The following SRBD1 variants were observed in gnomAD, a reference collection of about 807,000 sequenced individuals.
SRBD1 encodes the protein S1 RNA binding domain 1, also known as S1 RNA-binding domain-containing protein 1.
A neutral mutation model predicts 115.3 loss-of-function variants in SRBD1; 88 were observed. The observed-to-expected ratio is 0.76, with a 90% CI of 0.64 to 0.91. The LOEUF (loss-of-function observed/expected upper bound fraction) is 0.91. Among genes scored for constraint, SRBD1 ranks in the 40% least tolerant of loss-of-function variants. The pLI, the probability that SRBD1 is intolerant of heterozygous loss-of-function variation, is 0.00. For synonymous variants in SRBD1, 509 were observed against 407.7 expected (o/e 1.25, Z -2.99); for missense variants, 1,385 against 1,177.4 (o/e 1.18, Z -2.58).
chr2:45,561,430 G>C (rs984373265), intron 10 of SRBD1, among the ~76,000 whole-genome samples: 3 of 152,150 alleles, frequency 2.0e-5, no homozygotes, highest in Admixed American at 6.5e-5. Context: ...TGCTTTTAAT[G>C]AATTAACAAA....
At chr2:45,593,264 T>C (rs1187327677) in intron 4 of SRBD1, among the ~76,000 whole-genome samples, 1 of 152,096 alleles carries the variant, frequency 6.6e-6, no homozygotes, top group Non-Finnish European at 1.5e-5. Context: ...ATTTTATAAA[T>C]GCAAAAACTG....
intron 16 of SRBD1, among the ~76,000 whole-genome samples, chr2:45,427,884 C>G (rs1668206258): frequency 6.6e-6 from 1 of 152,138 alleles, no homozygotes; most frequent in Non-Finnish European, 1.5e-5. Context: ...AACTTAGACT[C>G]CCACACAATA....
At chr2:45,419,704 G>C in intron 17 of SRBD1, 84 bp downstream of exon 17, 1 of 1,171,066 alleles carries the variant, frequency 8.5e-7, no homozygotes, top group Non-Finnish European at 1.3e-6. Context: ...CTTTATACAC[G>C]TGTTCCCTTC....
In SRBD1 at chr2:45,581,844, T is replaced by C. The variant is rs753603013; in HGVS notation, c.816-34A>G. 3 of 1,529,822 alleles carry C rather than the reference T, an allele frequency of 2.0e-6. No individual in the cohort carries two copies. In the East Asian group the frequency reaches 6.8e-5, roughly 35 times the overall value. 94.8% of individuals were successfully genotyped at this position (1,529,822 alleles called of 1,614,324 possible). ...AGAAACTTTTGTAATATACCAAAAC[T>C]GTATGTCAAAACTTTCTTTTCAAAG... On this transcript the variant is annotated intron_variant, in intron 5 of 20. Coordinates refer to ENST00000263736, the MANE Select transcript of SRBD1 (RefSeq NM_018079.5).
chr2:45,579,528 A>AATACC (rs896491183), intron 7 of SRBD1, among the ~76,000 whole-genome samples: 2 of 152,156 alleles, frequency 1.3e-5, no homozygotes, highest in East Asian at 3.8e-4. Flanking sequence ...AAACTCAACT[A>AATACC]ATACCTATTT....
chr2:45,449,670 C>T (rs1021656147), intron 16 of SRBD1, among the ~76,000 whole-genome samples: 2 of 152,076 alleles, frequency 1.3e-5, no homozygotes, highest in Admixed American at 1.3e-4. Flanking sequence ...TTTTTCAGAG[C>T]TATACAAATT....
At position 45,393,039 on chromosome 2, in the gene SRBD1, C is replaced by T. The variant is rs772345342; in HGVS notation, c.2604G>A (p.Met868Ile). The T allele has an allele frequency of 1.9e-6, 3 of 1,614,082 alleles. No homozygotes were observed. Among genetic ancestry groups the T allele is most frequent in the Non-Finnish European group, 2.5e-6 (3 of 1,179,970 alleles). ...KINSFLEKEGMEKIAERLQTT... is the reference protein window; with the variant it reads ...KINSFLEKEGIEKIAERLQTT... ...TTTGCAATCTTTCTGCAATTTTCTCCATTCCTTCCTTTTCAAGGAATGAAT... is the reference window on the plus strand; with the variant it reads ...TTTGCAATCTTTCTGCAATTTTCTCTATTCCTTCCTTTTCAAGGAATGAAT... Residue 868 changes from methionine (M) to isoleucine (I), a missense_variant, in exon 20 of 21, where the codon ATG becomes ATA. Coordinates refer to ENST00000263736, the MANE Select transcript of SRBD1 (RefSeq NM_018079.5).
intron 7 of SRBD1, among the ~76,000 whole-genome samples, chr2:45,579,661 A>G (rs578200641): frequency 1.3e-5 from 2 of 152,098 alleles, no homozygotes; most frequent in African/African-American, 2.4e-5. Context: ...ATACAATAGA[A>G]AAACGGGCAA....
At chr2:45,603,729 A>G (rs1050402523) in intron 2 of SRBD1, among the ~76,000 whole-genome samples, 1 of 152,014 alleles carries the variant, frequency 6.6e-6, no homozygotes, top group Non-Finnish European at 1.5e-5. Flanking sequence ...GGGTTTCACT[A>G]TGATGGCCAG....
intron 14 of SRBD1, among the ~76,000 whole-genome samples, chr2:45,532,150 C>T (rs1352090924): frequency 2.7e-5 from 4 of 149,636 alleles, no homozygotes; most frequent in African/African-American, 9.7e-5. Context: ...TTTTGCCATG[C>T]CGCTGCCATC....
At chr2:45,464,510 A>G (rs1187508197) in intron 16 of SRBD1, among the ~76,000 whole-genome samples, 1 of 152,230 alleles carries the variant, frequency 6.6e-6, no homozygotes, top group Non-Finnish European at 1.5e-5. Context: ...CAATTAATAA[A>G]GAGCTGTAAG....
intron 16 of SRBD1, among the ~76,000 whole-genome samples, chr2:45,453,856 G>C (rs1373034145): frequency 1.3e-5 from 2 of 151,944 alleles, no homozygotes; most frequent in East Asian, 3.9e-4. Context: ...TCTTTTTAAA[G>C]ATTCTTCTGC....
chr2:45,564,608 T>C (rs1196318206), intron 9 of SRBD1, among the ~76,000 whole-genome samples: 1 of 152,172 alleles, frequency 6.6e-6, no homozygotes, highest in East Asian at 1.9e-4. Context: ...GCAATAAACA[T>C]TCTGAAAATA....
intron 5 of SRBD1, among the ~76,000 whole-genome samples, chr2:45,585,214 G>C (rs901457283): frequency 1.3e-5 from 2 of 151,784 alleles, no homozygotes; most frequent in African/African-American, 2.4e-5. Context: ...TACTGCCAAA[G>C]AACTCTCCAC....
rs1198398011 is a variant in SRBD1, at chr2:45,467,448, C to A, written c.2049+9545G>T. 2.6e-5 allele frequency among the ~76,000 whole-genome samples: 4 copies of A among 152,204 alleles called. No homozygotes were observed. In the South Asian group the frequency reaches 8.3e-4, roughly 31 times the overall value. On this transcript the variant is annotated intron_variant, in intron 16 of 20. Transcript: ENST00000263736. ...TTAAATGACAGTACCATTACTGTAACATATGATACCATAATTCCTTAAACA... is the reference window on the plus strand; with the variant it reads ...TTAAATGACAGTACCATTACTGTAAAATATGATACCATAATTCCTTAAACA...
intron 16 of SRBD1, among the ~76,000 whole-genome samples, chr2:45,441,454 T>A (rs1289056243): frequency 6.6e-6 from 1 of 152,246 alleles, no homozygotes; most frequent in African/African-American, 2.4e-5. Flanking sequence ...TGTATCCTGG[T>A]ACATAGTACG....
chr2:45,460,899 A>G (rs1189244976), intron 16 of SRBD1, among the ~76,000 whole-genome samples: 1 of 152,208 alleles, frequency 6.6e-6, no homozygotes, highest in Non-Finnish European at 1.5e-5. Context: ...GGGACTGTCC[A>G]TGATCATTAC....
chr2:45,589,161 A>T (rs1673637962), intron 4 of SRBD1, among the ~76,000 whole-genome samples: 1 of 152,180 alleles, frequency 6.6e-6, no homozygotes, highest in African/African-American at 2.4e-5. Context: ...ATACAAATAT[A>T]ATCAAGCCCC....
Position 45,550,311 on chromosome 2 carries a change from T to C in SRBD1, c.1675+814A>G, listed in dbSNP as rs1672256247. ...GAAGCTCCACAAACCCTAAGTGGAATTCATGCAGAAAAGAAAAGACAAGAA... is the reference window on the plus strand; with the variant it reads ...GAAGCTCCACAAACCCTAAGTGGAACTCATGCAGAAAAGAAAAGACAAGAA... On this transcript the variant is annotated intron_variant, in intron 12 of 20. Coordinates refer to ENST00000263736, the MANE Select transcript of SRBD1 (RefSeq NM_018079.5). Among the ~76,000 whole-genome samples the C allele has an allele frequency of 2.0e-5, 3 of 152,162 alleles. No homozygotes were observed. The South Asian group carries it at 6.2e-4, about 32-fold the overall frequency.
Sources: gnomAD v4.1 joint callset for allele counts (sites outside exome capture counted in the v4.1 genomes callset) on GRCh38, gnomAD v4.1.1 for gene constraint, MANE v1.5 for transcripts, NCBI Gene and HGNC (gene_info 2026-07-23, HGNC 2026-07-21) for gene names.